The following CDK11B variants were observed in gnomAD, a reference collection of about 807,000 sequenced individuals.
CDK11B encodes cyclin-dependent kinase 11B.
In CDK11B, 37 loss-of-function variants were observed where a neutral mutation model predicts 84.0. That is an observed-to-expected ratio of 0.44 (90% CI 0.34 to 0.58). CDK11B has a LOEUF of 0.58. Among genes scored for constraint, CDK11B ranks in the 20% least tolerant of loss-of-function variants. The pLI is 0.02. For synonymous variants in CDK11B, 269 were observed against 309.8 expected, an observed-to-expected ratio of 0.87 and a Z score of 1.38; for missense variants, 427 against 834.0, an observed-to-expected ratio of 0.51 and a Z score of 6.01.
chr1:1,636,532 G>C, intron 17 of CDK11B, 51 bp from the exon 18 acceptor site: 1 of 1,589,410 alleles, frequency 6.3e-7, no homozygotes, highest in Non-Finnish European at 8.6e-7. Flanking sequence ...CACAGTGTTG[G>C]CACCTGTGTC....
rs1389425879 is a variant in CDK11B, at chr1:1,637,510, T to G, written c.1468A>C (p.Ile490Leu). ...TTGTCCATGTTGCTGCCCACCACAA[T>G]CTCCTGCAGGGCACGGCTCTGTGGG... ...QHPNIVTVRE[I>L]VVGSNMDKIY... The change falls in exon 14 of 20, where the codon ATT becomes CTT. Residue 490 changes from isoleucine (I) to leucine (L), a missense_variant. This residue lies in a region of CDK11B where 24 missense variants were observed against 93.2 expected (regional missense o/e 0.26). Coordinates refer to ENST00000341832, the MANE Select transcript of CDK11B (RefSeq NM_033486.3). 2 of 1,612,890 alleles carry G rather than the reference T, an allele frequency of 1.2e-6. No homozygotes were observed. Among genetic ancestry groups the G allele is most frequent in the Non-Finnish European group, 1.7e-6 (2 of 1,179,484 alleles).
intron 5 of CDK11B, among the ~76,000 whole-genome samples, chr1:1,648,865 C>T (rs1433504820): frequency 2.6e-5 from 4 of 151,992 alleles, no homozygotes; most frequent in Admixed American, 2.6e-4. Flanking sequence ...GACCTCCAGG[C>T]TCAAGGGATC....
rs1450232721 is a variant in CDK11B, at chr1:1,657,770, G to A, written c.-13-272C>T. ...AAAAGTTAGCCCAGTGTGGTGGCGC[G>A]TGCCTGTATTCCTAGCTACAGGAAG... On this transcript the variant is annotated intron_variant, in intron 1 of 19. Coordinates refer to ENST00000341832, the MANE Select transcript of CDK11B (RefSeq NM_033486.3). Among the ~76,000 whole-genome samples the A allele has an allele frequency of 3.3e-5, 4 of 120,876 alleles. No individual in the cohort carries two copies. In the Admixed American group the frequency reaches 3.4e-4, roughly 10 times the overall value. 79.3% of individuals were successfully genotyped at this position (120,876 alleles called of 152,430 possible).
intron 6 of CDK11B, among the ~76,000 whole-genome samples, chr1:1,644,712 C>G (rs1221791602): frequency 6.6e-6 from 1 of 152,142 alleles, no homozygotes; most frequent in Non-Finnish European, 1.5e-5. Context: ...CTCGTACTGG[C>G]CGGCCGCGGT....
At chr1:1,640,825 T>C (rs1430182620) in intron 10 of CDK11B, among the ~76,000 whole-genome samples, 1 of 152,002 alleles carries the variant, frequency 6.6e-6, no homozygotes, top group Non-Finnish European at 1.5e-5. Flanking sequence ...GTCCTGGGCT[T>C]CCCAGCTCCT....
At chr1:1,637,344 C>T (rs539600163) in intron 14 of CDK11B, 64 bp downstream of exon 14, 28 of 1,581,352 alleles carry the variant, frequency 1.8e-5, no homozygotes, top group South Asian at 5.7e-5. Flanking sequence ...GCACTGTCAC[C>T]GCGGGGGTGA....
chr1:1,656,607 G>A (rs565560864), intron 2 of CDK11B, among the ~76,000 whole-genome samples: 11 of 152,252 alleles, frequency 7.2e-5, no homozygotes, highest in African/African-American at 9.6e-5. Context: ...GGCTGACACC[G>A]TGAGACCCCA....
At chr1:1,647,316 A>G (rs1466128106) in intron 5 of CDK11B, among the ~76,000 whole-genome samples, 3 of 152,268 alleles carry the variant, frequency 2.0e-5, no homozygotes, top group African/African-American at 7.2e-5. Flanking sequence ...ATTTTAGATA[A>G]TACATTTGTA....
Position 1,658,955 on chromosome 1 carries a change from C to G in CDK11B, c.-55G>C, listed in dbSNP as rs1350955461. On this transcript the variant is annotated 5_prime_UTR_variant, in exon 1 of 20. Coordinates refer to ENST00000341832, the MANE Select transcript of CDK11B (RefSeq NM_033486.3). ...CTGCCGCCGCCGCCGCCGCCGGTCCCGGAGCCAGAGAAGAAACAGCAACCG... is the reference window on the plus strand; with the variant it reads ...CTGCCGCCGCCGCCGCCGCCGGTCCGGGAGCCAGAGAAGAAACAGCAACCG... 4 of 204,752 alleles carry G rather than the reference C, an allele frequency of 2.0e-5. No homozygotes were observed. Among genetic ancestry groups the G allele is most frequent in the Non-Finnish European group, 3.0e-5 (3 of 101,072 alleles). 12.7% of individuals were successfully genotyped at this position (204,752 alleles called of 1,614,324 possible). A position where few individuals can be genotyped will look rare whatever the true frequency, so the allele number is the denominator to read the frequency against.
At chr1:1,657,881 G>A (rs71509481) in intron 1 of CDK11B, among the ~76,000 whole-genome samples, 2 of 82,472 alleles carry the variant, frequency 2.4e-5, no homozygotes, top group Admixed American at 3.2e-4. Context: ...CTCCAGCCTA[G>A]ATAACAAAGT....
At chr1:1,640,024 C>T (rs1217635196) in intron 11 of CDK11B, among the ~76,000 whole-genome samples, 1 of 151,852 alleles carries the variant, frequency 6.6e-6, no homozygotes, top group East Asian at 1.9e-4. Flanking sequence ...CGGCCGCACG[C>T]CCAGGCTGCC....
chr1:1,653,550 A>G (rs555600484), intron 3 of CDK11B, among the ~76,000 whole-genome samples: 1 of 151,666 alleles, frequency 6.6e-6, no homozygotes, highest in South Asian at 2.1e-4. Context: ...TGAACTCCTG[A>G]CCTCAGGTGA....
intron 3 of CDK11B, among the ~76,000 whole-genome samples, chr1:1,653,715 G>C (rs1642315489): frequency 6.6e-6 from 1 of 151,972 alleles, no homozygotes; most frequent in African/African-American, 2.4e-5. Context: ...TGGGTGCAGT[G>C]GCTCACGCCA....
At chr1:1,656,724 C>T (rs914861829) in intron 2 of CDK11B, among the ~76,000 whole-genome samples, 3 of 151,892 alleles carry the variant, frequency 2.0e-5, no homozygotes, top group Non-Finnish European at 2.9e-5. Context: ...CGGCCCTGGG[C>T]GACAGTGCGA....
chr1:1,638,641 G>A (rs1639758127), intron 11 of CDK11B, 51 bp from the exon 12 acceptor site: 5 of 1,230,762 alleles, frequency 4.1e-6, no homozygotes, highest in Admixed American at 1.8e-5. Context: ...CAGCTGGAGG[G>A]AGGGCGGCTG....
At position 1,635,530 on chromosome 1, in the gene CDK11B, G is replaced by A. The variant is rs1471583907; in HGVS notation, c.*234C>T. On this transcript the variant is annotated 3_prime_UTR_variant, in exon 20 of 20. Coordinates refer to ENST00000341832, the MANE Select transcript of CDK11B (RefSeq NM_033486.3). The stretch of plus-strand genomic sequence containing the variant: ...TGGAGGTTTGTGCTGCCCCACGTGG[G>A]CACCCGAAGATGTCCACCCTCTCCG... The A allele has an allele frequency of 2.1e-6, 1 of 467,910 alleles. No individual in the cohort carries two copies. The highest frequency in any genetic ancestry group is 3.6e-6 in the Non-Finnish European group (1 of 274,900). 29.0% of individuals were successfully genotyped at this position (467,910 alleles called of 1,614,324 possible). A position where few individuals can be genotyped will look rare whatever the true frequency, so the allele number is the denominator to read the frequency against.
At chr1:1,636,308 C>T (rs1487496116) in intron 18 of CDK11B, 25 bp downstream of exon 18, 16 of 1,546,728 alleles carry the variant, frequency 1.0e-5, no homozygotes, top group Middle Eastern at 1.9e-4. Flanking sequence ...CGGGACCTCC[C>T]GCCACCCGGC....
At chr1:1,649,074 T>C (rs1641550346) in intron 5 of CDK11B, among the ~76,000 whole-genome samples, 1 of 152,144 alleles carries the variant, frequency 6.6e-6, no homozygotes, top group South Asian at 2.1e-4. Flanking sequence ...GCTGTTTCCA[T>C]GTCTACCACT....
intron 5 of CDK11B, among the ~76,000 whole-genome samples, chr1:1,648,651 C>CA (rs1641487654): frequency 6.6e-6 from 1 of 152,192 alleles, no homozygotes; most frequent in South Asian, 2.1e-4. Context: ...AGATCTGGGG[C>CA]TACACCGATG....
Sources: gnomAD v4.1 joint callset for allele counts (sites outside exome capture counted in the v4.1 genomes callset) on GRCh38, gnomAD v4.1.1 for gene constraint, gnomAD v4.1.1 regional missense constraint, MANE v1.5 for transcripts, NCBI Gene and HGNC (gene_info 2026-07-23, HGNC 2026-07-21) for gene names.